NFKBIZ: variants seen among roughly 807,000 people sequenced by gnomAD.
NFKBIZ encodes the protein NF-kappa-B inhibitor zeta.
In NFKBIZ, 19 loss-of-function variants were observed where a neutral mutation model predicts 76.8. The observed-to-expected ratio is 0.25, with a 90% confidence interval of 0.17 to 0.36. NFKBIZ has a LOEUF of 0.36. NFKBIZ is among the 10% of genes least tolerant of loss of function. The probability of loss-of-function intolerance (pLI) is 1.00; values close to 1 mark genes in which losing one functional copy is unlikely to be tolerated. For missense variants in NFKBIZ, 829 were observed against 910.9 expected (o/e 0.91, Z 1.16); for synonymous variants, 368 against 354.8 (o/e 1.04, Z -0.42).
upstream of NFKBIZ, among the ~76,000 whole-genome samples, chr3:101,846,323 C>T (rs547387509): frequency 1.3e-5 from 2 of 152,312 alleles, no homozygotes; most frequent in South Asian, 4.1e-4. Context: ...TCCTATCATT[C>T]GACTTAATAG....
At chr3:101,854,324 A>G (rs1232881787) in intron 5 of NFKBIZ, among the ~76,000 whole-genome samples, 2 of 152,170 alleles carry the variant, frequency 1.3e-5, no homozygotes, top group African/African-American at 4.8e-5. Flanking sequence ...TGAGTATTAA[A>G]AATAATAGAT....
chr3:101,838,807 T>C (rs1446134532), intron 2 of NFKBIZ, among the ~76,000 whole-genome samples: 1 of 152,242 alleles, frequency 6.6e-6, no homozygotes, highest in African/African-American at 2.4e-5. Context: ...TTCATAAAAT[T>C]CTTCCTGTTG....
chr3:101,845,881 A>C (rs1576811059), upstream of NFKBIZ, among the ~76,000 whole-genome samples: 1 of 152,316 alleles, frequency 6.6e-6, no homozygotes, highest in Non-Finnish European at 1.5e-5. Context: ...AGATGTAGAC[A>C]GTACCTCTGA....
chr3:101,849,511 C>T, upstream of NFKBIZ: 1 of 884,040 alleles, frequency 1.1e-6, no homozygotes, highest in Non-Finnish European at 1.5e-6. Context: ...CCGCGCCGCG[C>T]CCGTACTGGC....
At chr3:101,856,853 A>G in intron 9 of NFKBIZ, 1 of 464,410 alleles carries the variant, frequency 2.2e-6, no homozygotes, top group East Asian at 3.4e-5. Context: ...ATAAAAAGGT[A>G]CATTGTGACA....
intron 2 of NFKBIZ, among the ~76,000 whole-genome samples, chr3:101,830,539 A>G (rs1168069075): frequency 6.6e-6 from 1 of 152,042 alleles, no homozygotes; most frequent in Admixed American, 6.6e-5. Flanking sequence ...TGAGTATCCA[A>G]TGTTTAGCTC....
chr3:101,857,114 A>G lies in NFKBIZ; in HGVS notation c.1866A>G (p.Glu622=), dbSNP rs1189123693. 2 of 1,614,026 alleles carry G rather than the reference A, an allele frequency of 1.2e-6. No individual in the cohort carries two copies. Among genetic ancestry groups the G allele is most frequent in the African/African-American group, 1.3e-5 (1 of 74,974 alleles). The change falls in exon 10 of 12, where the codon GAA becomes GAG. Residue 622 remains glutamate, a synonymous_variant. Coordinates refer to ENST00000326172, the MANE Select transcript of NFKBIZ (RefSeq NM_031419.4). ...GCACAGCCCTGCATTTGGCAGCTGA[A>G]GAAGCAAATCTGGAACTCATTCGCC... ...SGRTALHLAA[E]EANLELIRLF...
At chr3:101,837,616 A>G (rs911648095) in intron 2 of NFKBIZ, among the ~76,000 whole-genome samples, 1 of 152,200 alleles carries the variant, frequency 6.6e-6, no homozygotes, top group Non-Finnish European at 1.5e-5. Flanking sequence ...GAATCACAGA[A>G]GAAAGAATCT....
At chr3:101,850,308 G>A (rs1350161997) in intron 1 of NFKBIZ, 7 of 176,850 alleles carry the variant, frequency 4.0e-5, no homozygotes, top group Non-Finnish European at 5.9e-5. Flanking sequence ...GTGGAAAGCT[G>A]TAGCAGAGGA....
intron 2 of NFKBIZ, among the ~76,000 whole-genome samples, chr3:101,837,728 C>A (rs1023059699): frequency 6.6e-6 from 1 of 152,054 alleles, no homozygotes; most frequent in Admixed American, 6.6e-5. Context: ...CCCCCAGACC[C>A]CTTGTTTACT....
At chr3:101,851,096 C>T (rs1942951764) in intron 1 of NFKBIZ, among the ~76,000 whole-genome samples, 1 of 152,166 alleles carries the variant, frequency 6.6e-6, no homozygotes, top group Non-Finnish European at 1.5e-5. Flanking sequence ...TTTCACTTAC[C>T]CTATCATTGA....
At position 101,857,078 on chromosome 3, in the gene NFKBIZ, C is replaced by A. The variant is rs1034551218; in HGVS notation, c.1830C>A (p.Arg610=). ...QMGAAVEAKD[R]KSGRTALHLA... is the part of the protein sequence containing the mutation. ...TCCCTCTTGCCTTTGACAAGGATCG[C>A]AAAAGTGGCCGCACAGCCCTGCATT... The change falls in exon 10 of 12, where the codon CGC becomes CGA. Residue 610 remains arginine (R), a synonymous_variant. Coordinates refer to ENST00000326172, the MANE Select transcript of NFKBIZ (RefSeq NM_031419.4). The A allele has an allele frequency of 4.4e-6, 7 of 1,605,296 alleles. No individual in the cohort carries two copies. The highest frequency in any genetic ancestry group is 1.3e-5 in the African/African-American group (1 of 74,300).
intron 2 of NFKBIZ, among the ~76,000 whole-genome samples, chr3:101,834,461 A>G (rs1009571542): frequency 1.3e-5 from 2 of 152,018 alleles, no homozygotes; most frequent in Non-Finnish European, 2.9e-5. Flanking sequence ...CCGGGGTTCA[A>G]GCAATTCTCC....
chr3:101,836,557 G>A (rs902823956), intron 2 of NFKBIZ, among the ~76,000 whole-genome samples: 6 of 152,124 alleles, frequency 3.9e-5, no homozygotes, highest in East Asian at 1.9e-4. Context: ...AAGCGTGTCC[G>A]GAACATTGTA....
intron 2 of NFKBIZ, 125 bp from the exon 3 acceptor site, chr3:101,852,613 A>G (rs1942983822): frequency 3.1e-6 from 2 of 653,090 alleles, no homozygotes; most frequent in Admixed American, 6.5e-5. Context: ...ATCAATATTG[A>G]TAGAAAAACC....
At chr3:101,854,503 T>G in intron 5 of NFKBIZ, 75 bp from the exon 6 acceptor site, 1 of 744,274 alleles carries the variant, frequency 1.3e-6, no homozygotes, top group Non-Finnish European at 2.1e-6. Flanking sequence ...AAAGGAAGAT[T>G]TTTTTTTTTT....
rs1444368132 is a variant in NFKBIZ, at chr3:101,849,596, G to C, written c.-33G>C. The C allele has an allele frequency of 2.1e-5, 27 of 1,313,878 alleles. No individual in the cohort carries two copies. The highest frequency in any genetic ancestry group is 2.5e-5 in the Non-Finnish European group (26 of 1,034,486). 81.4% of individuals were successfully genotyped at this position (1,313,878 alleles called of 1,614,324 possible). On this transcript the variant is annotated 5_prime_UTR_variant, in exon 1 of 12. Coordinates refer to ENST00000326172, the MANE Select transcript of NFKBIZ (RefSeq NM_031419.4). ...CGCGCGCAGCGAGCCGGTGGCGCAGGTGTCGGGGTCCTCGAGCGCCCAGCC... is the reference window on the plus strand; with the variant it reads ...CGCGCGCAGCGAGCCGGTGGCGCAGCTGTCGGGGTCCTCGAGCGCCCAGCC...
In NFKBIZ at chr3:101,852,956, C is replaced by G; in HGVS notation, c.531C>G (p.Cys177Trp). 2 of 1,614,212 alleles carry G rather than the reference C, an allele frequency of 1.2e-6. No individual in the cohort carries two copies. Among genetic ancestry groups the G allele is most frequent in the Non-Finnish European group, 1.7e-6 (2 of 1,180,034 alleles). Residue 177 changes from cysteine (C) to tryptophan (W), a missense_variant, in exon 4 of 12, where the codon TGC (cysteine) becomes TGG (tryptophan). Coordinates refer to ENST00000326172, the MANE Select transcript of NFKBIZ (RefSeq NM_031419.4). ...GPDSLSDGPACKRPALLHSQF... is the reference protein window; with the variant it reads ...GPDSLSDGPAWKRPALLHSQF... ...ATTCGTTGTCTGATGGACCTGCTTG[C>G]AAAAGGCCAGCTCTGTTGCATTCCC...
rs938137495 is a variant in NFKBIZ, at chr3:101,849,855, T to C, written c.227T>C (p.Val76Ala). Reference sequence around the variant, plus strand: ...TCCGACTTCTCCTCTGCCTCGTCGGTGTCCTCCTGCGGCGCCGTGGAGTCC... The same window carrying C: ...TCCGACTTCTCCTCTGCCTCGTCGGCGTCCTCCTGCGGCGCCGTGGAGTCC... ...DSSDFSSASS[V>A]SSCGAVESRS... Residue 76 changes from valine to alanine, a missense_variant, in exon 1 of 12, where the codon GTG becomes GCG. Val to Ala is a moderately conservative substitution (Grantham distance 64). Coordinates refer to ENST00000326172, the MANE Select transcript of NFKBIZ (RefSeq NM_031419.4). The C allele has an allele frequency of 1.4e-6, 2 of 1,464,936 alleles. No homozygotes were observed. Among genetic ancestry groups the C allele is most frequent in the South Asian group, 1.3e-5 (1 of 76,582 alleles). 90.7% of individuals were successfully genotyped at this position (1,464,936 alleles called of 1,614,324 possible). A position where few individuals can be genotyped will look rare whatever the true frequency, so the allele number is the denominator to read the frequency against.
Sources: gnomAD v4.1 joint callset for allele counts (sites outside exome capture counted in the v4.1 genomes callset) on GRCh38, gnomAD v4.1.1 for gene constraint, MANE v1.5 for transcripts, NCBI Gene and HGNC (gene_info 2026-07-23, HGNC 2026-07-21) for gene names.